U2AF2: variants seen among roughly 807,000 people sequenced by gnomAD.
U2AF2 encodes the protein U2 small nuclear RNA auxiliary factor 2.
Under a neutral mutation model 52.6 loss-of-function variants are expected in U2AF2, and 6 were observed. The observed-to-expected ratio is 0.11, with a 90% CI of 0.06 to 0.23. The LOEUF (loss-of-function observed/expected upper bound fraction) is 0.23, where lower values mean the gene tolerates loss of function less well. Among genes scored for constraint, U2AF2 ranks in the 10% least tolerant of loss-of-function variants. The pLI, the probability that U2AF2 is intolerant of heterozygous loss-of-function variation, is 1.00. For synonymous variants in U2AF2, 284 were observed against 258.2 expected (o/e 1.10, Z -0.96); for missense variants, 222 against 677.1 (o/e 0.33, Z 7.46).
At chr19:55,664,131 G>T (rs1984393713) in intron 7 of U2AF2, 2 of 201,444 alleles carry the variant, frequency 9.9e-6, no homozygotes, top group South Asian at 2.1e-4. Context: ...AGCTGCTGCT[G>T]TGGGGTCTGG....
At chr19:55,673,343 T>C (rs1600087022) in intron 11 of U2AF2, among the ~76,000 whole-genome samples, 1 of 151,424 alleles carries the variant, frequency 6.6e-6, no homozygotes, top group Admixed American at 6.6e-5. Flanking sequence ...TTGCAAGCTC[T>C]TTTATTTGTA....
intron 11 of U2AF2, among the ~76,000 whole-genome samples, chr19:55,673,036 G>A (rs950841288): frequency 6.6e-6 from 1 of 151,660 alleles, no homozygotes; most frequent in African/African-American, 2.4e-5. Context: ...TTCACCTCCC[G>A]AGTTAAAGAA....
chr19:55,664,248 A>G (rs986845150), intron 7 of U2AF2, among the ~76,000 whole-genome samples: 3 of 152,240 alleles, frequency 2.0e-5, no homozygotes, highest in Admixed American at 1.3e-4. Flanking sequence ...GGTAGGTAAC[A>G]TAGCAGACCA....
At position 55,660,147 on chromosome 19, in the gene U2AF2, C is replaced by T. The variant is rs371714687; in HGVS notation, c.186-30C>T. On this transcript the variant is annotated intron_variant, in intron 2 of 11. Coordinates refer to ENST00000308924, the MANE Select transcript of U2AF2 (RefSeq NM_007279.3). ...GGAAGACGAGGGTCCCCAGTCACCC[C>T]TCCCCATACCTTTCCCTCCCACCCC... 108 of 1,591,332 alleles carry T rather than the reference C, an allele frequency of 6.8e-5. No individual in the cohort carries two copies. The African/African-American group carries it at 1.3e-3, about 19-fold the overall frequency.
intron 1 of U2AF2, among the ~76,000 whole-genome samples, chr19:55,655,632 C>T (rs1328121220): frequency 2.6e-5 from 4 of 152,330 alleles, no homozygotes; most frequent in African/African-American, 9.6e-5. Flanking sequence ...GTGGGGGGGC[C>T]CCTTTCCTTC....
At chr19:55,667,021 T>C (rs1305330400) in intron 7 of U2AF2, among the ~76,000 whole-genome samples, 3 of 152,104 alleles carry the variant, frequency 2.0e-5, no homozygotes, top group Non-Finnish European at 4.4e-5. Context: ...ATGGGGTGAG[T>C]GCCCGGTGTG....
chr19:55,669,282 C>T, intron 10 of U2AF2, 101 bp downstream of exon 10: 1 of 1,553,662 alleles, frequency 6.4e-7, no homozygotes, highest in Non-Finnish European at 8.7e-7. Flanking sequence ...CATGGGAAGG[C>T]ATTTGGGGGG....
rs1984708857 is a variant in U2AF2 at position 55,668,918 on chromosome 19, G to T, written c.945+126G>T. 2 of 1,511,484 alleles carry T rather than the reference G, an allele frequency of 1.3e-6. No homozygotes were observed. The highest frequency in any genetic ancestry group is 2.7e-5 in the African/African-American group (2 of 72,816). 93.6% of individuals were successfully genotyped at this position (1,511,484 alleles called of 1,614,324 possible). A position where few individuals can be genotyped will look rare whatever the true frequency, so the allele number is the denominator to read the frequency against. On this transcript the variant is annotated intron_variant, in intron 9 of 11. Coordinates refer to ENST00000308924, the MANE Select transcript of U2AF2 (RefSeq NM_007279.3). The surrounding 1 kb of genome is among the most constrained non-coding windows in gnomAD (Gnocchi z 5.5). ...GCCAACCTGAGGCAGTGCCCTGTGTGTGGGCTCGTCCCTGTCCCATGGCGT... is the reference window on the plus strand; with the variant it reads ...GCCAACCTGAGGCAGTGCCCTGTGTTTGGGCTCGTCCCTGTCCCATGGCGT...
Position 55,655,083 on chromosome 19 carries a change from G to C in U2AF2, c.-22G>C, listed in dbSNP as rs1983683934. 6.2e-7 allele frequency: 1 copy of C among 1,605,780 alleles called. No homozygotes were observed. Among genetic ancestry groups the C allele is most frequent in the African/African-American group, 1.4e-5 (1 of 73,322 alleles). ...GCAAGGCGAGGCGAAAGCTGCACAG[G>C]GCCCTACGCGGCCGCCTCAGCATGT... is the stretch of plus-strand genomic sequence containing the variant. On this transcript the variant is annotated 5_prime_UTR_variant, in exon 1 of 12. Transcript: ENST00000308924.
intron 7 of U2AF2, among the ~76,000 whole-genome samples, chr19:55,664,604 C>T (rs1465450088): frequency 6.6e-6 from 1 of 152,160 alleles, no homozygotes; most frequent in African/African-American, 2.4e-5. Flanking sequence ...TCGAGGAGCC[C>T]TTTAGGAACT....
At chr19:55,667,469 C>T (rs562389851) in intron 7 of U2AF2, among the ~76,000 whole-genome samples, 8 of 152,272 alleles carry the variant, frequency 5.3e-5, no homozygotes, top group African/African-American at 1.9e-4. Context: ...CCTGTGGGGT[C>T]TCAGGTTGAA....
chr19:55,669,789 C>G, intron 11 of U2AF2, 97 bp downstream of exon 11: 1 of 1,450,422 alleles, frequency 6.9e-7, no homozygotes, highest in Non-Finnish European at 9.1e-7. Context: ...CTCTCCCCCT[C>G]CTCTTCTCCG....
chr19:55,670,698 C>T, intron 11 of U2AF2: 1 of 213,078 alleles, frequency 4.7e-6, no homozygotes, highest in Non-Finnish European at 9.6e-6. Context: ...GAGTGGCAGG[C>T]CTTGGAGGGC....
rs1568549564 is a variant in U2AF2 at position 55,660,525 on chromosome 19, C to G, written c.240C>G (p.Pro80=). ...KEEHGGLIRS[P]RHEKKKKVRK... is the part of the protein sequence containing the mutation. ...CTCCCACCTCCCCCAGTCGTTCCCC[C>G]CGCCACGAGAAGAAGAAGAAGGTCC... Residue 80 remains proline (P), a synonymous_variant, in exon 4 of 12, where the codon CCC becomes CCG. Transcript: ENST00000308924. 2 of 1,597,062 alleles carry G rather than the reference C, an allele frequency of 1.3e-6. No homozygotes were observed. The highest frequency in any genetic ancestry group is 2.3e-5 in the South Asian group (2 of 88,420).
chr19:55,655,230 C>T (rs1226226469), intron 1 of U2AF2, 77 bp downstream of exon 1: 10 of 1,505,138 alleles, frequency 6.6e-6, no homozygotes, highest in East Asian at 2.5e-5. Flanking sequence ...CATTTTCTCC[C>T]TCGCTTCCCC....
chr19:55,667,599 G>C (rs533310383), intron 7 of U2AF2, among the ~76,000 whole-genome samples: 25 of 152,240 alleles, frequency 1.6e-4, no homozygotes, highest in African/African-American at 6.0e-4. Context: ...GAAGACACTG[G>C]ATCCTGCATC....
rs779307673 is a variant in U2AF2, at chr19:55,663,760, A to G, written c.742+16A>G. On this transcript the variant is annotated intron_variant, in intron 7 of 11. Transcript: ENST00000308924. Reference sequence around the variant, plus strand: ...TATGTGCCTGGTGAGTGGGGGATCCATTAAGGGCCCCTTTCTCCCCCAGTC... The same window carrying G: ...TATGTGCCTGGTGAGTGGGGGATCCGTTAAGGGCCCCTTTCTCCCCCAGTC... The G allele has an allele frequency of 2.5e-6, 4 of 1,613,728 alleles. No homozygotes were observed. In the African/African-American group the frequency reaches 5.3e-5, roughly 22 times the overall value.
intron 1 of U2AF2, 27 bp from the exon 2 acceptor site, chr19:55,659,183 C>T (rs773586332): frequency 1.7e-5 from 26 of 1,523,178 alleles, no homozygotes; most frequent in South Asian, 1.4e-4. Flanking sequence ...CCGCTTATCC[C>T]GTGCCCCTCC....
intron 11 of U2AF2, 49 bp from the exon 12 acceptor site, chr19:55,673,885 C>G (rs1323022945): frequency 6.4e-7 from 1 of 1,574,704 alleles, no homozygotes; most frequent in Non-Finnish European, 8.6e-7. Flanking sequence ...CGCTGACTGG[C>G]TGTTGGGCGT....
Sources: gnomAD v4.1 joint callset for allele counts (sites outside exome capture counted in the v4.1 genomes callset) on GRCh38, gnomAD v4.1.1 for gene constraint, Gnocchi (gnomAD v3.1) non-coding constraint, MANE v1.5 for transcripts, NCBI Gene and HGNC (gene_info 2026-07-23, HGNC 2026-07-21) for gene names.